The following KIF5C variants were observed in gnomAD, a reference collection of about 807,000 sequenced individuals.
KIF5C encodes kinesin heavy chain isoform 5C.
Under a neutral mutation model 125.2 loss-of-function variants are expected in KIF5C, and 18 were observed. The ratio of observed to expected loss-of-function variants is 0.14; its 90% CI spans 0.10 to 0.21. The LOEUF is 0.21. KIF5C is among the 10% of genes least tolerant of loss of function. The pLI is 1.00. For synonymous variants in KIF5C, 405 were observed against 434.0 expected (o/e 0.93, Z 0.83); for missense variants, 780 against 1,183.8 (o/e 0.66, Z 5.01).
chr2:148,989,306 C>A (rs1239588980), intron 15 of KIF5C, among the ~76,000 whole-genome samples: 1 of 151,422 alleles, frequency 6.6e-6, no homozygotes, highest in East Asian at 1.9e-4. Flanking sequence ...TATTCCATTC[C>A]TTTTTATGGC....
chr2:148,976,820 A>C (rs1229560730), intron 12 of KIF5C, among the ~76,000 whole-genome samples: 2 of 151,830 alleles, frequency 1.3e-5, no homozygotes, highest in Non-Finnish European at 2.9e-5. Flanking sequence ...GGCTCAAGTG[A>C]TCAAGCTGCC....
chr2:148,919,071 T>C (rs554289035), intron 1 of KIF5C, among the ~76,000 whole-genome samples: 1 of 152,328 alleles, frequency 6.6e-6, no homozygotes, highest in Non-Finnish European at 1.5e-5. Flanking sequence ...GAGGGCTTGA[T>C]GGCTCTTTTT....
At chr2:148,920,179 C>G (rs1401329691) in intron 1 of KIF5C, among the ~76,000 whole-genome samples, 36 of 152,242 alleles carry the variant, frequency 2.4e-4, no homozygotes, top group African/African-American at 2.4e-5. Flanking sequence ...AAACCCAAAG[C>G]AGGATCAAGC....
At chr2:148,880,486 G>GTA (rs974720858) in intron 1 of KIF5C, among the ~76,000 whole-genome samples, 5 of 152,206 alleles carry the variant, frequency 3.3e-5, no homozygotes, top group African/African-American at 1.2e-4. Context: ...TTCTGTGTGA[G>GTA]TATACATTTT....
intron 3 of KIF5C, among the ~76,000 whole-genome samples, chr2:148,931,895 G>A: frequency 6.6e-6 from 1 of 152,188 alleles, no homozygotes. Flanking sequence ...GTTGTAATGA[G>A]TTGCTTTCCT....
intron 1 of KIF5C, among the ~76,000 whole-genome samples, chr2:148,902,076 G>T (rs1454008757): frequency 6.6e-6 from 1 of 152,210 alleles, no homozygotes; most frequent in Non-Finnish European, 1.5e-5. Context: ...CGCACTGTGA[G>T]TTGGGGTTCT....
chr2:148,989,319 G>T (rs1233880308), intron 15 of KIF5C, among the ~76,000 whole-genome samples: 2 of 149,540 alleles, frequency 1.3e-5, no homozygotes, highest in Non-Finnish European at 3.0e-5. Context: ...TTTATGGCTG[G>T]GTAGTATTCC....
At chr2:148,931,033 C>T (rs889442605) in intron 3 of KIF5C, among the ~76,000 whole-genome samples, 39 of 152,286 alleles carry the variant, frequency 2.6e-4, no homozygotes, top group Admixed American at 9.1e-4. Context: ...CAAAAACTCC[C>T]TCCTAGGTCA....
chr2:148,984,415 G>A (rs1356206658), intron 15 of KIF5C, among the ~76,000 whole-genome samples: 1 of 152,124 alleles, frequency 6.6e-6, no homozygotes, highest in Non-Finnish European at 1.5e-5. Flanking sequence ...TGGTGCCATG[G>A]CTCAACAATG....
chr2:148,983,827 T>C, intron 15 of KIF5C, 61 bp downstream of exon 15: 2 of 1,477,356 alleles, frequency 1.4e-6, no homozygotes, highest in South Asian at 1.5e-5. Flanking sequence ...GGGTCTGTGC[T>C]TTACTCTTTT....
At chr2:148,918,492 G>A (rs986143674) in intron 1 of KIF5C, among the ~76,000 whole-genome samples, 2 of 152,232 alleles carry the variant, frequency 1.3e-5, no homozygotes, top group African/African-American at 4.8e-5. Context: ...ATACCTGGGT[G>A]GGGTTGGGGC....
At chr2:148,952,747 G>A (rs1367348445) in intron 10 of KIF5C, among the ~76,000 whole-genome samples, 1 of 152,144 alleles carries the variant, frequency 6.6e-6, no homozygotes, top group East Asian at 1.9e-4. Context: ...ATATTGGGAG[G>A]ATTATATGAG....
chr2:149,026,086 G>C lies in KIF5C; in HGVS notation c.*3016G>C, dbSNP rs1464111879. 1.3e-5 allele frequency: 2 copies of C among 152,528 alleles called. No individual in the cohort carries two copies. Among genetic ancestry groups the C allele is most frequent in the African/African-American group, 4.8e-5 (2 of 41,418 alleles). The allele number at this position is 152,528 out of a possible 1,614,324, so 9.4% of individuals were successfully genotyped here. A position where few individuals can be genotyped will look rare whatever the true frequency, so the allele number is the denominator to read the frequency against. ...TATAGAAATAACAAAGCAAATAAAAGTTCTTAACAATCCCCTCTTTCGAAG... is the reference window on the plus strand; with the variant it reads ...TATAGAAATAACAAAGCAAATAAAACTTCTTAACAATCCCCTCTTTCGAAG... On this transcript the variant is annotated 3_prime_UTR_variant, in exon 26 of 26. Transcript: ENST00000435030.
At chr2:148,964,602 A>G (rs1683006499) in intron 11 of KIF5C, among the ~76,000 whole-genome samples, 1 of 152,156 alleles carries the variant, frequency 6.6e-6, no homozygotes, top group African/African-American at 2.4e-5. Flanking sequence ...GAGTTATACA[A>G]CAGGGGGCCC....
chr2:149,017,555 G>A (rs2105210329), intron 25 of KIF5C, among the ~76,000 whole-genome samples: 1 of 152,296 alleles, frequency 6.6e-6, no homozygotes, highest in East Asian at 1.9e-4. Flanking sequence ...GCAAGCCAGG[G>A]GACTTGTTCA....
At chr2:148,961,454 C>A (rs1033898292) in intron 10 of KIF5C, among the ~76,000 whole-genome samples, 30 of 152,196 alleles carry the variant, frequency 2.0e-4, no homozygotes, top group Admixed American at 6.5e-4. Context: ...ATAATTGATT[C>A]TATTATTTCT....
In KIF5C at chr2:148,941,712, G is replaced by A. The variant is rs879141412; in HGVS notation, c.445+54G>A. On this transcript the variant is annotated intron_variant, in intron 5 of 25. Coordinates refer to ENST00000435030, the MANE Select transcript of KIF5C (RefSeq NM_004522.3). ...TTGTTCTGTAACGAAAGTCCGGGGA[G>A]GTTGAAATGGTTTATCACACTTCTG... is the stretch of plus-strand genomic sequence containing the variant. 2.1e-5 allele frequency: 32 copies of A among 1,538,852 alleles called. 1 individual carries two copies. The Admixed American group carries it at 2.3e-4, about 11-fold the overall frequency.
intron 15 of KIF5C, among the ~76,000 whole-genome samples, chr2:148,988,527 C>G (rs768289048): frequency 2.0e-5 from 3 of 152,196 alleles, no homozygotes; most frequent in Admixed American, 6.5e-5. Context: ...CCCAGGGTGC[C>G]AGAGCTTCTG....
intron 21 of KIF5C, among the ~76,000 whole-genome samples, chr2:149,002,295 T>C: frequency 6.6e-6 from 1 of 152,310 alleles, no homozygotes; most frequent in Non-Finnish European, 1.5e-5. Flanking sequence ...CTACTGTCCC[T>C]AGCCATCCAC....
Sources: allele counts gnomAD v4.1 joint callset (sites outside exome capture counted in the v4.1 genomes callset), GRCh38; gene constraint gnomAD v4.1.1; transcripts MANE v1.5; gene names NCBI Gene and HGNC (gene_info 2026-07-23, HGNC 2026-07-21).